Variants in CCNK observed in about 807,000 individuals in gnomAD.
The protein encoded by CCNK is cyclin-K.
In CCNK, 9 loss-of-function variants were observed where a neutral mutation model predicts 65.0. That is an observed-to-expected ratio of 0.14 (90% CI 0.08 to 0.24). The LOEUF (loss-of-function observed/expected upper bound fraction) is 0.24. Among genes scored for constraint, CCNK ranks in the 10% least tolerant of loss-of-function variants. CCNK has a pLI of 1.00. For synonymous variants in CCNK, 279 were observed against 270.8 expected (o/e 1.03, Z -0.30); for missense variants, 474 against 720.0 (o/e 0.66, Z 3.91).
At chr14:99,507,274 A>G (rs1896999061) in intron 10 of CCNK, 127 bp downstream of exon 10, 1 of 735,960 alleles carries the variant, frequency 1.4e-6, no homozygotes, top group African/African-American at 1.7e-5. Flanking sequence ...ACAGGCAGGA[A>G]TCTTTGCAAA....
intron 1 of CCNK, among the ~76,000 whole-genome samples, chr14:99,488,898 T>C (rs1896545053): frequency 6.6e-6 from 1 of 151,538 alleles, no homozygotes. Flanking sequence ...GCACCCATCA[T>C]GGTGGCTCCT....
chr14:99,501,277 G>T (rs1595315177), intron 5 of CCNK, 79 bp from the exon 6 acceptor site: 2 of 912,734 alleles, frequency 2.2e-6, no homozygotes, highest in East Asian at 4.8e-5. Context: ...TGAACACGTG[G>T]TAGGTTTTTA....
intron 10 of CCNK, 170 bp downstream of exon 10, chr14:99,507,317 T>C (rs1177826067): frequency 3.2e-6 from 2 of 632,480 alleles, no homozygotes; most frequent in Non-Finnish European, 5.7e-6. Context: ...TGGCTTGTGT[T>C]TTTGATCCCA....
Position 99,495,620 on chromosome 14 carries a change from T to C in CCNK, c.402T>C (p.Asp134=), listed in dbSNP as rs755533872. The part of the protein sequence containing the change: ...LNDVQFGQFG[D]DPKEEVMVLE... ...ATGTACAATTTGGCCAGTTTGGAGA[T>C]GACCCAAAGGTAAGAATGATAATAA... Residue 134 remains aspartate, a synonymous_variant, in exon 4 of 11, where the codon GAT becomes GAC. Transcript: ENST00000389879. The C allele has an allele frequency of 1.2e-6, 2 of 1,608,746 alleles. No individual in the cohort carries two copies. The highest frequency in any genetic ancestry group is 1.7e-6 in the Non-Finnish European group (2 of 1,178,100).
chr14:99,510,735 G>T lies in CCNK; in HGVS notation c.1696G>T (p.Gly566Cys). Residue 566 changes from glycine (G) to cysteine (C), a missense_variant, in exon 11 of 11, where the codon GGC becomes TGC. Gly to Cys is a radical substitution (Grantham distance 159, BLOSUM62 -3). Around this residue, in one of 6 missense-constraint regions of CCNK, gnomAD observed 53 missense variants for 91.4 expected, o/e 0.58. Coordinates refer to ENST00000389879, the MANE Select transcript of CCNK (RefSeq NM_001099402.2). Reference protein sequence around the residue: ...PPVPPPIPPPGMPPVGGLGRA... With the variant: ...PPVPPPIPPPCMPPVGGLGRA... ...TGTGCCCCCGCCCATTCCCCCACCC[G>T]GCATGCCTCCAGTTGGGGGGCTGGG... is the stretch of plus-strand genomic sequence containing the variant. 4 of 1,450,514 alleles carry T rather than the reference G, an allele frequency of 2.8e-6. No individual in the cohort carries two copies. The highest frequency in any genetic ancestry group is 3.6e-6 in the Non-Finnish European group (4 of 1,102,034). 89.9% of individuals were successfully genotyped at this position (1,450,514 alleles called of 1,614,324 possible). A position where few individuals can be genotyped will look rare whatever the true frequency, so the allele number is the denominator to read the frequency against.
At position 99,495,509 on chromosome 14, in the gene CCNK, C is replaced by CTGT; in HGVS notation, c.294_296dup (p.Cys99dup). The CTGT allele has an allele frequency of 6.2e-7, 1 of 1,611,568 alleles. No homozygotes were observed. Among genetic ancestry groups the CTGT allele is most frequent in the Non-Finnish European group, 8.5e-7 (1 of 1,178,976 alleles). ...TGTTTCCCTTTTAGGTGACAGGAGC[C>CTGT]TGTTGCCTCTTTCTGGCTGGGAAAG... On this transcript the variant is annotated inframe_insertion, in exon 4 of 11. Transcript: ENST00000389879.
Position 99,502,792 on chromosome 14 carries a change from G to A in CCNK, c.819G>A (p.Leu273=), listed in dbSNP as rs1896867314. The A allele has an allele frequency of 1.2e-6, 2 of 1,613,416 alleles. No homozygotes were observed. Among genetic ancestry groups the A allele is most frequent in the Admixed American group, 1.7e-5 (1 of 59,952 alleles). ...QQMPHHTPHQ[L]QQPPSLQPTP... ...TGCCTCATCACACCCCCCATCAGCTGCAACAGCCCCCATCTCTTCAGCCTA... is the reference window on the plus strand; with the variant it reads ...TGCCTCATCACACCCCCCATCAGCTACAACAGCCCCCATCTCTTCAGCCTA... Residue 273 remains leucine, a synonymous_variant, in exon 8 of 11, where the codon CTG becomes CTA. Coordinates refer to ENST00000389879, the MANE Select transcript of CCNK (RefSeq NM_001099402.2).
intron 6 of CCNK, chr14:99,501,655 A>G: frequency 1.9e-6 from 1 of 519,760 alleles, no homozygotes. Flanking sequence ...AGTCTGAAAC[A>G]TAAGTCCAAA....
Position 99,503,363 on chromosome 14 carries a change from A to G in CCNK, c.1012-248A>G, listed in dbSNP as rs569682703. 21 of 603,438 alleles carry G rather than the reference A, an allele frequency of 3.5e-5. No individual in the cohort carries two copies. In the East Asian group the frequency reaches 5.2e-4, roughly 15 times the overall value. The allele number at this position is 603,438 out of a possible 1,614,324, so 37.4% of individuals were successfully genotyped here. ...CAAGTGGTCCTGAAACTTAGTGTTT[A>G]CTCAGAACTCACCATTCAGGAAAGC... is the stretch of plus-strand genomic sequence containing the variant. On this transcript the variant is annotated intron_variant, in intron 8 of 10. Coordinates refer to ENST00000389879, the MANE Select transcript of CCNK (RefSeq NM_001099402.2).
At chr14:99,483,938 A>G (rs1479228373) in intron 1 of CCNK, among the ~76,000 whole-genome samples, 1 of 152,272 alleles carries the variant, frequency 6.6e-6, no homozygotes, top group Non-Finnish European at 1.5e-5. Context: ...TAATGAGCAA[A>G]TTAGATGACA....
chr14:99,486,210 A>G (rs896903532), intron 1 of CCNK, among the ~76,000 whole-genome samples: 1 of 152,124 alleles, frequency 6.6e-6, no homozygotes, highest in African/African-American at 2.4e-5. Context: ...CTGACATCCC[A>G]TGGTTTGTTT....
At chr14:99,504,150 A>G (rs543981004) in intron 9 of CCNK, 7 of 286,172 alleles carry the variant, frequency 2.4e-5, no homozygotes, top group Non-Finnish European at 5.0e-5. Flanking sequence ...TCATGTCAAT[A>G]TTGGAAATAA....
chr14:99,484,013 A>C (rs1221471465), intron 1 of CCNK, among the ~76,000 whole-genome samples: 1 of 152,222 alleles, frequency 6.6e-6, no homozygotes, highest in Non-Finnish European at 1.5e-5. Flanking sequence ...CCAGATATAA[A>C]TTTACTAGGT....
At chr14:99,491,249 A>C (rs1896592320) in intron 1 of CCNK, among the ~76,000 whole-genome samples, 1 of 152,166 alleles carries the variant, frequency 6.6e-6, no homozygotes, top group African/African-American at 2.4e-5. Context: ...TTCAGAGTCG[A>C]TTCCCAGCAG....
Position 99,507,076 on chromosome 14 carries a change from A to C in CCNK, c.1046A>C (p.Glu349Ala). The change falls in exon 10 of 11, where the codon GAA (glutamate) becomes GCA (alanine). Residue 349 changes from glutamate (E) to alanine (A), a missense_variant and splice_region_variant. Transcript: ENST00000389879. ...VSPKEENKAA[E>A]PPPPKIPKIE... ...TTTCTAATCTGCTTTTTCTTTGTAG[A>C]ACCACCACCACCTAAAATCCCCAAA... 3 of 1,599,400 alleles carry C rather than the reference A, an allele frequency of 1.9e-6. No homozygotes were observed. The highest frequency in any genetic ancestry group is 2.6e-6 in the Non-Finnish European group (3 of 1,166,608).
At chr14:99,495,450 T>C (rs1896680868) in intron 3 of CCNK, 48 bp from the exon 4 acceptor site, 1 of 1,570,936 alleles carries the variant, frequency 6.4e-7, no homozygotes, top group African/African-American at 1.4e-5. Context: ...TATCTATTTC[T>C]GTGTGACCTT....
chr14:99,493,881 A>G (rs762755571), intron 3 of CCNK: 2 of 265,228 alleles, frequency 7.5e-6, no homozygotes, highest in Non-Finnish European at 1.4e-5. Context: ...TATAATTGAG[A>G]CTCAACAAAG....
At chr14:99,487,336 A>G (rs1474368955) in intron 1 of CCNK, among the ~76,000 whole-genome samples, 2 of 152,128 alleles carry the variant, frequency 1.3e-5, no homozygotes, top group Non-Finnish European at 2.9e-5. Flanking sequence ...GGACCAGATA[A>G]TTTCTTGTCA....
At chr14:99,497,706 A>G (rs1341897210) in intron 4 of CCNK, among the ~76,000 whole-genome samples, 1 of 152,212 alleles carries the variant, frequency 6.6e-6, no homozygotes, top group African/African-American at 2.4e-5. Context: ...GTATATACAA[A>G]ATGTATAGTC....
Sources: allele counts gnomAD v4.1 joint callset (sites outside exome capture counted in the v4.1 genomes callset), GRCh38; gene constraint gnomAD v4.1.1; regional missense constraint gnomAD v4.1.1; transcripts MANE v1.5; gene names NCBI Gene and HGNC (gene_info 2026-07-23, HGNC 2026-07-21).